Variants in PAGE2B observed in about 807,000 individuals in gnomAD.
PAGE2B encodes the protein putative G antigen family E member 3.
Under a neutral mutation model 7.6 loss-of-function variants are expected in PAGE2B, and 5 were observed. That is an observed-to-expected ratio of 0.66 (90% CI 0.34 to 1.38). The LOEUF is 1.38. Ranked by LOEUF, PAGE2B falls within the 40% of genes most tolerant of loss-of-function variation. The pLI is 0.04. For missense variants in PAGE2B, 70 were observed against 78.4 expected (o/e 0.89, Z 0.41); for synonymous variants, 29 against 26.7 (o/e 1.09, Z -0.27).
chrX:55,037,634 A>G, the PAGE2B span, among the ~76,000 whole-genome samples: 1 of 110,990 alleles, frequency 9.0e-6, no homozygotes, highest in Non-Finnish European at 1.9e-5. Context: ...TCACAATAGC[A>G]AAGACTTGGA....
At chrX:55,028,409 A>G in the PAGE2B span, among the ~76,000 whole-genome samples, 1 of 111,216 alleles carries the variant, frequency 9.0e-6, no homozygotes, top group African/African-American at 3.3e-5. Context: ...CTCCCCTAAC[A>G]TCAATACTGG....
upstream of PAGE2B, among the ~76,000 whole-genome samples, chrX:55,074,149 G>A (rs1936477652): frequency 9.2e-6 from 1 of 108,340 alleles, no homozygotes; most frequent in African/African-American, 3.6e-5. Context: ...GAGGAATTGA[G>A]GAGTGGCTTT....
chrX:55,059,935 G>A, the PAGE2B span, among the ~76,000 whole-genome samples: 1 of 111,073 alleles, frequency 9.0e-6, no homozygotes, highest in Admixed American at 9.6e-5. Context: ...GTGGATTGTT[G>A]CAAATGAAAG....
In PAGE2B at chrX:55,076,147, G is replaced by A. The variant is rs764268544; in HGVS notation, c.84+22G>A. 18 of 1,186,188 alleles carry A rather than the reference G, an allele frequency of 1.5e-5. No homozygotes were observed. In the East Asian group the frequency reaches 5.1e-4, roughly 33 times the overall value. ...GATTGTGAGTCCTTTAACATTTGAT[G>A]TTTCCTATTAACACAATTTATTTTA... On this transcript the variant is annotated intron_variant, in intron 2 of 4. Transcript: ENST00000374971.
the PAGE2B span, among the ~76,000 whole-genome samples, chrX:55,039,435 G>T: frequency 6.4e-5 from 7 of 109,575 alleles, no homozygotes; most frequent in African/African-American, 2.3e-4. Flanking sequence ...ACAAAATGTG[G>T]TATATACATA....
the PAGE2B span, among the ~76,000 whole-genome samples, chrX:55,042,602 C>T: frequency 2.2e-4 from 19 of 86,280 alleles, no homozygotes; most frequent in South Asian, 5.9e-4. Flanking sequence ...TGCAGTGAGC[C>T]GAGATCCCGC....
the PAGE2B span, among the ~76,000 whole-genome samples, chrX:55,050,134 A>G: frequency 8.9e-6 from 1 of 112,520 alleles, no homozygotes; most frequent in South Asian, 3.6e-4. Context: ...GAGTTTCTTA[A>G]TCCTGAGTTC....
At chrX:55,047,116 C>A in the PAGE2B span, among the ~76,000 whole-genome samples, 1 of 108,643 alleles carries the variant, frequency 9.2e-6, no homozygotes, top group Admixed American at 9.9e-5. Flanking sequence ...GTGTGATGTT[C>A]CCCTTCCTGT....
At chrX:55,077,181 T>C (rs748593001) in intron 3 of PAGE2B, among the ~76,000 whole-genome samples, 5 of 112,045 alleles carry the variant, frequency 4.5e-5, no homozygotes, top group African/African-American at 1.6e-4. Context: ...TAAGAACAAA[T>C]GAGTACAAAA....
the PAGE2B span, among the ~76,000 whole-genome samples, chrX:55,065,365 C>A: frequency 0.069 from 7,671 of 111,117 alleles, 609 homozygotes; most frequent in African/African-American, 0.23. Flanking sequence ...ATTAAGATAG[C>A]TACTCCTGCT....
the PAGE2B span, among the ~76,000 whole-genome samples, chrX:55,041,073 T>G: frequency 9.5e-6 from 1 of 105,708 alleles, no homozygotes; most frequent in Non-Finnish European, 1.9e-5. Flanking sequence ...AGGTGTTCAA[T>G]AATTCTTTTT....
rs780381830 is a variant in PAGE2B, at chrX:55,077,485, A to T, written c.280A>T (p.Ile94Phe). 7 of 1,210,666 alleles carry T rather than the reference A, an allele frequency of 5.8e-6. No individual in the cohort carries two copies. In the African/African-American group the frequency reaches 1.2e-4, roughly 21 times the overall value. ...AGATGGTCCTGATGTCAGGGAGGGG[A>T]TTATGCCCACTTTTGATCTCACTAA... is the stretch of plus-strand genomic sequence containing the variant. ...PGDGPDVREGIMPTFDLTKVL... is the reference protein window; with the variant it reads ...PGDGPDVREGFMPTFDLTKVL... Residue 94 changes from isoleucine (I) to phenylalanine (F), a missense_variant, in exon 4 of 5, where the codon ATT becomes TTT. By Grantham distance (21) the Ile-to-Phe change is conservative. Coordinates refer to ENST00000374971, the MANE Select transcript of PAGE2B (RefSeq NM_001015038.3).
At chrX:55,069,907 A>G in the PAGE2B span, among the ~76,000 whole-genome samples, 6 of 110,910 alleles carry the variant, frequency 5.4e-5, no homozygotes, top group East Asian at 1.7e-3. Flanking sequence ...GTCATTTTTT[A>G]TTGCATCTAT....
At chrX:55,037,538 A>C in the PAGE2B span, among the ~76,000 whole-genome samples, 33 of 109,807 alleles carry the variant, frequency 3.0e-4, no homozygotes, top group South Asian at 7.8e-4. Context: ...TTGACCCAGC[A>C]ATCCCATTAC....
At chrX:55,048,950 G>T in the PAGE2B span, among the ~76,000 whole-genome samples, 1 of 111,697 alleles carries the variant, frequency 9.0e-6, no homozygotes, top group Non-Finnish European at 1.9e-5. Context: ...GTTTGTCATA[G>T]ATAGCTCTTA....
At chrX:55,041,259 T>G in the PAGE2B span, among the ~76,000 whole-genome samples, 2 of 108,301 alleles carry the variant, frequency 1.8e-5, no homozygotes, top group South Asian at 8.2e-4. Context: ...TTTTTTATGT[T>G]TTTAGCAGAG....
upstream of PAGE2B, among the ~76,000 whole-genome samples, chrX:55,072,987 T>C (rs759587201): frequency 9.0e-6 from 1 of 111,537 alleles, no homozygotes; most frequent in African/African-American, 3.3e-5. Context: ...AGCCAGTGCT[T>C]CTTAGCTTGC....
chrX:55,072,968 A>AGAATTT (rs1359046885), upstream of PAGE2B, among the ~76,000 whole-genome samples: 1 of 111,714 alleles, frequency 9.0e-6, no homozygotes, highest in African/African-American at 3.3e-5. Context: ...GCTGGCAATG[A>AGAATTT]GAATTTCAAG....
chrX:55,076,138 A>G lies in PAGE2B; in HGVS notation c.84+13A>G. On this transcript the variant is annotated intron_variant, in intron 2 of 4. Coordinates refer to ENST00000374971, the MANE Select transcript of PAGE2B (RefSeq NM_001015038.3). ...TGGATCTGTGATTGTGAGTCCTTTAACATTTGATGTTTCCTATTAACACAA... is the reference window on the plus strand; with the variant it reads ...TGGATCTGTGATTGTGAGTCCTTTAGCATTTGATGTTTCCTATTAACACAA... The G allele has an allele frequency of 3.3e-6, 4 of 1,194,738 alleles. No individual in the cohort carries two copies. The highest frequency in any genetic ancestry group is 4.5e-6 in the Non-Finnish European group (4 of 881,933).
Sources: gnomAD v4.1 joint callset for allele counts (sites outside exome capture counted in the v4.1 genomes callset) on GRCh38, gnomAD v4.1.1 for gene constraint, MANE v1.5 for transcripts, NCBI Gene and HGNC (gene_info 2026-07-23, HGNC 2026-07-21) for gene names.